The following MICU2 variants were observed in gnomAD, a reference collection of about 807,000 sequenced individuals.
The protein encoded by MICU2 is mitochondrial calcium uptake 2.
In MICU2, 64 loss-of-function variants were observed where a neutral mutation model predicts 60.4. The observed-to-expected ratio is 1.06, with a 90% CI of 0.87 to 1.31. The LOEUF (loss-of-function observed/expected upper bound fraction) is 1.31. Among genes scored for constraint, MICU2 ranks in the 50% most tolerant of loss-of-function variants. MICU2 has a pLI of 0.00. For synonymous variants in MICU2, 201 were observed against 175.0 expected, an observed-to-expected ratio of 1.15 and a Z score of -1.17; for missense variants, 569 against 531.0, an observed-to-expected ratio of 1.07 and a Z score of -0.70.
chr13:21,599,992 C>A (rs575723236), intron 1 of MICU2, among the ~76,000 whole-genome samples: 3 of 152,212 alleles, frequency 2.0e-5, no homozygotes, highest in African/African-American at 7.2e-5. Flanking sequence ...ATGAAGAAAA[C>A]ATTAAACAAT....
chr13:21,604,087 C>A lies in MICU2; in HGVS notation c.62G>T (p.Gly21Val). The A allele has an allele frequency of 6.3e-7, 1 of 1,596,210 alleles. No homozygotes were observed. The highest frequency in any genetic ancestry group is 8.5e-7 in the Non-Finnish European group (1 of 1,173,040). Reference sequence around the variant, plus strand: ...CACAGCCTGTCGGCTGACAGCGAGCCCCCGTCGCAGTTTTCCGCCCCAGGC... The same window carrying A: ...CACAGCCTGTCGGCTGACAGCGAGCACCCGTCGCAGTTTTCCGCCCCAGGC... ...VAAWGGKLRR[G>V]LAVSRQAVRS... The change falls in exon 1 of 12, where the codon GGG (glycine) becomes GTG (valine). Residue 21 changes from glycine to valine, a missense_variant. Physicochemically the swap from Gly to Val is moderately radical, Grantham distance 109. Transcript: ENST00000382374.
chr13:21,518,938 G>A (rs1163798166), intron 6 of MICU2, among the ~76,000 whole-genome samples: 1 of 152,094 alleles, frequency 6.6e-6, no homozygotes, highest in Non-Finnish European at 1.5e-5. Context: ...CTTTTGCTCT[G>A]TGGTGTCGGT....
intron 7 of MICU2, among the ~76,000 whole-genome samples, chr13:21,512,631 A>G (rs1356109518): frequency 1.3e-5 from 2 of 151,750 alleles, no homozygotes; most frequent in Non-Finnish European, 2.9e-5. Flanking sequence ...TTGTATTTTT[A>G]GTAGAGACAG....
intron 6 of MICU2, among the ~76,000 whole-genome samples, chr13:21,519,752 A>G (rs1377865587): frequency 6.6e-6 from 1 of 152,190 alleles, no homozygotes; most frequent in Non-Finnish European, 1.5e-5. Flanking sequence ...CAGAGTCAGG[A>G]TCTTTCTCAA....
intron 4 of MICU2, among the ~76,000 whole-genome samples, chr13:21,523,557 TTGTC>T (rs1886778751): frequency 6.6e-6 from 1 of 152,266 alleles, no homozygotes; most frequent in Admixed American, 6.5e-5. Context: ...AAATCATTCT[TTGTC>T]AGTCTCAAAT....
intron 4 of MICU2, among the ~76,000 whole-genome samples, chr13:21,525,948 A>ATTTATTTAT (rs1288324646): frequency 7.5e-5 from 9 of 120,616 alleles, no homozygotes; most frequent in African/African-American, 2.2e-4. Context: ...TTATTTATTT[A>ATTTATTTAT]TTTTTTAACA....
Position 21,502,502 on chromosome 13 carries a change from G to C in MICU2, c.933+424C>G, listed in dbSNP as rs79895178. On this transcript the variant is annotated intron_variant, in intron 9 of 11. Transcript: ENST00000382374. ...CTGCTTATATATTAGCATTGTGACA[G>C]GTACTTTATTGAATTCTTATTGTTT... Among the ~76,000 whole-genome samples the C allele has an allele frequency of 3.3e-3, 500 of 152,054 alleles. 7 individuals carry two copies. The highest frequency in any genetic ancestry group is 5.4e-3 in the Non-Finnish European group (367 of 67,970).
At position 21,502,933 on chromosome 13, in the gene MICU2, G is replaced by T. The variant is rs769496303; in HGVS notation, c.926C>A (p.Ala309Glu). 6.2e-7 allele frequency: 1 copy of T among 1,609,642 alleles called. No homozygotes were observed. Among genetic ancestry groups the T allele is most frequent in the Non-Finnish European group, 8.5e-7 (1 of 1,179,056 alleles). The part of the protein sequence containing the change: ...YWKNVREKLS[A>E]GESISLDEFK... Reference sequence around the variant, plus strand: ...ATAAAAGGGTATACCAACCTCTCCTGCTGACAACTTCTCTCTCACATTTTT... The same window carrying T: ...ATAAAAGGGTATACCAACCTCTCCTTCTGACAACTTCTCTCTCACATTTTT... Residue 309 changes from alanine (A) to glutamate (E), a missense_variant, in exon 9 of 12, where the codon GCA (alanine) becomes GAA (glutamate). Coordinates refer to ENST00000382374, the MANE Select transcript of MICU2 (RefSeq NM_152726.3).
At chr13:21,566,667 CTAAA>C in intron 2 of MICU2, 126 bp downstream of exon 2, 2 of 726,976 alleles carry the variant, frequency 2.8e-6, no homozygotes, top group Non-Finnish European at 4.3e-6. Flanking sequence ...CAAGAAAAGT[CTAAA>C]TAAGCAAATG....
At chr13:21,508,159 TC>T (rs1362931457) in intron 8 of MICU2, among the ~76,000 whole-genome samples, 9 of 149,936 alleles carry the variant, frequency 6.0e-5, no homozygotes, top group Non-Finnish European at 1.3e-4. Context: ...GGAGTCTCGC[TC>T]TGTCACCCAG....
intron 2 of MICU2, among the ~76,000 whole-genome samples, chr13:21,558,747 CAA>C (rs1480538460): frequency 6.6e-6 from 1 of 152,038 alleles, no homozygotes; most frequent in Non-Finnish European, 1.5e-5. Context: ...CAAGTTGAGA[CAA>C]GAGCAATCAG....
At position 21,524,133 on chromosome 13, in the gene MICU2, C is replaced by T. The variant is rs548302348; in HGVS notation, c.467-1483G>A. Among the ~76,000 whole-genome samples the T allele has an allele frequency of 9.9e-5, 15 of 152,096 alleles. No homozygotes were observed. The East Asian group carries it at 1.4e-3, about 14-fold the overall frequency. ...TATGCTAAAAAACAATTGTTCCCTC[C>T]GGATCAAAAGATTGGTATAATAGCA... On this transcript the variant is annotated intron_variant, in intron 4 of 11. Transcript: ENST00000382374.
At chr13:21,513,389 CT>C (rs1391948149) in intron 7 of MICU2, among the ~76,000 whole-genome samples, 1 of 152,008 alleles carries the variant, frequency 6.6e-6, no homozygotes, top group Non-Finnish European at 1.5e-5. Flanking sequence ...TGTAGATGCT[CT>C]TTACCAAGTT....
intron 9 of MICU2, among the ~76,000 whole-genome samples, chr13:21,501,262 TAA>T (rs1287078353): frequency 6.6e-6 from 1 of 151,566 alleles, no homozygotes; most frequent in Non-Finnish European, 1.5e-5. Context: ...TCTTTTCATA[TAA>T]AGTCTTTTTT....
At chr13:21,580,170 TAAA>T (rs1888317440) in intron 1 of MICU2, among the ~76,000 whole-genome samples, 1 of 152,150 alleles carries the variant, frequency 6.6e-6, no homozygotes. Flanking sequence ...GGAAGCAGTA[TAAA>T]ATTATGCCAG....
chr13:21,501,649 T>C (rs374539425), intron 9 of MICU2, among the ~76,000 whole-genome samples: 1 of 152,232 alleles, frequency 6.6e-6, no homozygotes, highest in African/African-American at 2.4e-5. Flanking sequence ...TTCTGATTCC[T>C]GCACGTACGA....
At chr13:21,582,176 A>G (rs1183342136) in intron 1 of MICU2, among the ~76,000 whole-genome samples, 2 of 152,232 alleles carry the variant, frequency 1.3e-5, no homozygotes, top group Non-Finnish European at 2.9e-5. Flanking sequence ...CTAGTCTCCA[A>G]AAGGGCCTGG....
intron 2 of MICU2, among the ~76,000 whole-genome samples, chr13:21,544,231 C>T (rs542921050): frequency 1.5e-3 from 232 of 152,162 alleles, no homozygotes; most frequent in Non-Finnish European, 2.4e-3. Context: ...AGGTGAAATA[C>T]TTCAGGACAT....
At chr13:21,603,566 T>A in intron 1 of MICU2, 1 of 285,804 alleles carries the variant, frequency 3.5e-6, no homozygotes, top group Non-Finnish European at 6.6e-6. Context: ...GAATGCCACT[T>A]CACTGACCAG....
Sources: gnomAD v4.1 joint callset for allele counts (sites outside exome capture counted in the v4.1 genomes callset) on GRCh38, gnomAD v4.1.1 for gene constraint, MANE v1.5 for transcripts, NCBI Gene and HGNC (gene_info 2026-07-23, HGNC 2026-07-21) for gene names.